Variants in EEIG2 observed in about 807,000 individuals in gnomAD.
The protein encoded by EEIG2 is family with sequence similarity 102 member B.
chr1:108,616,519 T>C, the EEIG2 span: 9 of 836,686 alleles, frequency 1.1e-5, no homozygotes, highest in Non-Finnish European at 1.5e-5. Flanking sequence ...TTGTAGTGCT[T>C]ATAAGAAAAT....
the EEIG2 span, among the ~76,000 whole-genome samples, chr1:108,585,114 A>G: frequency 6.6e-6 from 1 of 152,190 alleles, no homozygotes; most frequent in African/African-American, 2.4e-5. Context: ...AACTTCCGTC[A>G]TTATGCTAAT....
chr1:108,612,097 T>G, the EEIG2 span: 4 of 936,402 alleles, frequency 4.3e-6, no homozygotes, highest in Non-Finnish European at 4.8e-6. Flanking sequence ...GTCTAGGGTA[T>G]GGGTTGAATA....
chr1:108,624,533 G>T, the EEIG2 span: 3 of 684,720 alleles, frequency 4.4e-6, no homozygotes, highest in South Asian at 3.1e-5. Context: ...CACTCTCAAA[G>T]GGGTAACATT....
At chr1:108,625,692 C>T in the EEIG2 span, 1 of 152,258 alleles carries the variant, frequency 6.6e-6, no homozygotes, top group Non-Finnish European at 1.5e-5. Context: ...CCCTTAGACT[C>T]CAGCAGGCTG....
At chr1:108,593,538 C>T in the EEIG2 span, among the ~76,000 whole-genome samples, 4 of 152,136 alleles carry the variant, frequency 2.6e-5, no homozygotes, top group Non-Finnish European at 5.9e-5. Context: ...TGAGTAAAAT[C>T]AGGGTTCTCC....
At chr1:108,584,782 G>A in the EEIG2 span, among the ~76,000 whole-genome samples, 3 of 152,010 alleles carry the variant, frequency 2.0e-5, no homozygotes, top group Admixed American at 2.0e-4. Context: ...GCATCTTTAT[G>A]GTTAACAAAT....
chr1:108,622,306 A>G, the EEIG2 span, among the ~76,000 whole-genome samples: 1 of 152,200 alleles, frequency 6.6e-6, no homozygotes, highest in Non-Finnish European at 1.5e-5. Flanking sequence ...TTCAGAGGCA[A>G]GTTTCAGAAA....
chr1:108,632,922 C>T, the EEIG2 span, among the ~76,000 whole-genome samples: 2 of 149,606 alleles, frequency 1.3e-5, no homozygotes, highest in African/African-American at 2.5e-5. Context: ...ACTAGGACTA[C>T]AGGCATGCAC....
the EEIG2 span, chr1:108,600,592 G>T: frequency 1.2e-6 from 2 of 1,609,754 alleles, no homozygotes; most frequent in Non-Finnish European, 1.7e-6. Context: ...AACTGTGTTC[G>T]CTGGAGAAAG....
the EEIG2 span, chr1:108,637,095 C>T: frequency 2.6e-5 from 4 of 152,130 alleles, no homozygotes; most frequent in South Asian, 2.1e-4. Context: ...GCCCTTGGTC[C>T]GACACCTCTC....
the EEIG2 span, among the ~76,000 whole-genome samples, chr1:108,623,403 A>G: frequency 6.6e-6 from 1 of 152,108 alleles, no homozygotes; most frequent in African/African-American, 2.4e-5. Context: ...ACTAAGGAAG[A>G]AGGATTGCTT....
the EEIG2 span, among the ~76,000 whole-genome samples, chr1:108,594,378 C>A: frequency 1.3e-5 from 2 of 152,026 alleles, no homozygotes; most frequent in Non-Finnish European, 1.5e-5. Context: ...TGGAATTGTG[C>A]GGGGTAGAAG....
the EEIG2 span, among the ~76,000 whole-genome samples, chr1:108,614,756 C>T: frequency 6.6e-6 from 1 of 152,184 alleles, no homozygotes; most frequent in Non-Finnish European, 1.5e-5. Flanking sequence ...TCCTCATCAA[C>T]ATATAAAGAA....
chr1:108,567,424 A>G, the EEIG2 span, among the ~76,000 whole-genome samples: 3 of 152,242 alleles, frequency 2.0e-5, no homozygotes, highest in Non-Finnish European at 4.4e-5. Flanking sequence ...ACAGAAGCAC[A>G]AAGAGATGCT....
chr1:108,621,277 C>T, the EEIG2 span, among the ~76,000 whole-genome samples: 1 of 152,130 alleles, frequency 6.6e-6, no homozygotes, highest in African/African-American at 2.4e-5. Context: ...AAAACTGGCA[C>T]ATGGCAAGCA....
chr1:108,578,851 T>C, the EEIG2 span, among the ~76,000 whole-genome samples: 1 of 143,128 alleles, frequency 7.0e-6, no homozygotes, highest in African/African-American at 2.6e-5. Flanking sequence ...GCTACATAAG[T>C]GAAGGAGAAA....
chr1:108,572,397 G>A, the EEIG2 span, among the ~76,000 whole-genome samples: 1 of 151,940 alleles, frequency 6.6e-6, no homozygotes, highest in East Asian at 1.9e-4. Context: ...ATTTTTGCCA[G>A]TAGAGAACCT....
chr1:108,635,244 C>T, the EEIG2 span: 11 of 1,497,696 alleles, frequency 7.3e-6, no homozygotes, highest in Non-Finnish European at 9.3e-6. Context: ...AGAAAATGAA[C>T]CTCAACTATC....
the EEIG2 span, among the ~76,000 whole-genome samples, chr1:108,623,772 A>G: frequency 6.6e-6 from 1 of 152,018 alleles, no homozygotes; most frequent in Admixed American, 6.5e-5. Context: ...CCCGGGTTCA[A>G]GTGATTCTCC....
Sources: gnomAD v4.1 joint callset for allele counts (sites outside exome capture counted in the v4.1 genomes callset) on GRCh38, gnomAD v4.1.1 for gene constraint, MANE v1.5 for transcripts, NCBI Gene and HGNC (gene_info 2026-07-23, HGNC 2026-07-21) for gene names.